CACNA2D3: variants seen among roughly 807,000 people sequenced by gnomAD.
CACNA2D3 encodes calcium voltage-gated channel auxiliary subunit alpha2delta 3, also known as voltage-dependent calcium channel subunit alpha-2/delta-3.
In CACNA2D3, 60 loss-of-function variants were observed where a neutral mutation model predicts 160.6. The ratio of observed to expected loss-of-function variants is 0.37; its 90% confidence interval spans 0.30 to 0.46. CACNA2D3 has a LOEUF of 0.46. Ranked by LOEUF, CACNA2D3 falls within the 20% of genes least tolerant of loss-of-function variation. CACNA2D3 has a pLI of 1.00. For synonymous variants in CACNA2D3, 558 were observed against 492.9 expected (o/e 1.13, Z -1.75); for missense variants, 1,205 against 1,365.0 (o/e 0.88, Z 1.85).
At chr3:54,451,531 T>A (rs1700308553) in intron 4 of CACNA2D3, among the ~76,000 whole-genome samples, 1 of 152,188 alleles carries the variant, frequency 6.6e-6, no homozygotes, top group African/African-American at 2.4e-5. Context: ...TATTCCGGGC[T>A]TCTCTTTAGG....
intron 2 of CACNA2D3, among the ~76,000 whole-genome samples, chr3:54,131,331 C>T (rs4258997): frequency 0.15 from 23,109 of 152,162 alleles, 1,935 homozygotes; most frequent in East Asian, 0.19. Flanking sequence ...AGATCAGCTC[C>T]CTTCTCCCTG....
chr3:54,720,230 C>T (rs866429013), intron 11 of CACNA2D3, among the ~76,000 whole-genome samples: 4 of 151,842 alleles, frequency 2.6e-5, no homozygotes, highest in Admixed American at 6.6e-5. Context: ...TGGTTTCCAG[C>T]CTTACTTTTT....
intron 17 of CACNA2D3, among the ~76,000 whole-genome samples, chr3:54,856,705 CAAA>C (rs1699178947): frequency 6.6e-6 from 1 of 152,142 alleles, no homozygotes; most frequent in Non-Finnish European, 1.5e-5. Context: ...TCTGAGAAAA[CAAA>C]AAGTCGGGAG....
At chr3:54,445,477 A>G (rs1410392450) in intron 4 of CACNA2D3, among the ~76,000 whole-genome samples, 4 of 152,114 alleles carry the variant, frequency 2.6e-5, no homozygotes, top group Non-Finnish European at 5.9e-5. Context: ...GAGCATTCAT[A>G]GAAAGAATAA....
chr3:54,768,098 G>A (rs1244558661), intron 13 of CACNA2D3, among the ~76,000 whole-genome samples: 3 of 152,170 alleles, frequency 2.0e-5, no homozygotes, highest in Non-Finnish European at 4.4e-5. Context: ...TAGGGGGAAA[G>A]TTCGATGATG....
intron 30 of CACNA2D3, among the ~76,000 whole-genome samples, chr3:54,985,715 C>A (rs549039164): frequency 6.6e-6 from 1 of 152,296 alleles, no homozygotes; most frequent in East Asian, 1.9e-4. Context: ...ACTGCTTAAT[C>A]AATTAGTTAA....
At chr3:54,276,558 G>C (rs1029576784) in intron 2 of CACNA2D3, among the ~76,000 whole-genome samples, 3 of 140,714 alleles carry the variant, frequency 2.1e-5, no homozygotes, top group Admixed American at 7.4e-5. Flanking sequence ...GGTCAACAGG[G>C]CAAGACTCTG....
At chr3:54,396,704 T>TGG (rs1280742894) in intron 4 of CACNA2D3, among the ~76,000 whole-genome samples, 2 of 60,612 alleles carry the variant, frequency 3.3e-5, no homozygotes, top group Non-Finnish European at 6.2e-5. Flanking sequence ...GATGTGCTGC[T>TGG]GGATTCGTTT....
intron 5 of CACNA2D3, among the ~76,000 whole-genome samples, chr3:54,538,819 C>G (rs1163382887): frequency 1.3e-5 from 2 of 152,038 alleles, no homozygotes; most frequent in Non-Finnish European, 2.9e-5. Flanking sequence ...GGGGGCGGGA[C>G]CAGAAGAGTC....
chr3:55,065,396 C>T lies in CACNA2D3; in HGVS notation c.2988-8049C>T, dbSNP rs866617683. Among the ~76,000 whole-genome samples, 3 of 152,204 alleles carry T rather than the reference C, an allele frequency of 2.0e-5. No homozygotes were observed. The South Asian group carries it at 6.2e-4, about 32-fold the overall frequency. ...CTACCCCAACCCCCTACTCCCACTC[C>T]AAGCTTATTTGGCTTAGAAAACGGG... is the stretch of plus-strand genomic sequence containing the variant. On this transcript the variant is annotated intron_variant, in intron 35 of 37. Transcript: ENST00000474759.
chr3:54,354,533 C>T (rs1020318287), intron 3 of CACNA2D3, among the ~76,000 whole-genome samples: 2 of 152,264 alleles, frequency 1.3e-5, no homozygotes, highest in South Asian at 2.1e-4. Context: ...CATCCAAGGG[C>T]CCCTCCTGAG....
intron 4 of CACNA2D3, among the ~76,000 whole-genome samples, chr3:54,402,995 A>G (rs1054018831): frequency 9.9e-5 from 15 of 152,188 alleles, no homozygotes; most frequent in African/African-American, 3.1e-4. Context: ...AAAGTCAATA[A>G]TATGTGGAAA....
Position 55,006,943 on chromosome 3 carries a change from G to C in CACNA2D3, c.2767-847G>C, listed in dbSNP as rs191033319. Among the ~76,000 whole-genome samples, 452 of 152,282 alleles carry C rather than the reference G, an allele frequency of 3.0e-3. 2 individuals carry two copies. Among genetic ancestry groups the C allele is most frequent in the African/African-American group, 0.01 (426 of 41,564 alleles). ...TCTAAAGGCAACCACAAAAGGTTCT[G>C]AGATTCTTCTGGACCTGACATCTGG... is the stretch of plus-strand genomic sequence containing the variant. On this transcript the variant is annotated intron_variant, in intron 32 of 37. Coordinates refer to ENST00000474759, the MANE Select transcript of CACNA2D3 (RefSeq NM_018398.3).
intron 34 of CACNA2D3, among the ~76,000 whole-genome samples, chr3:55,012,100 C>T (rs1703223360): frequency 6.6e-6 from 1 of 152,110 alleles, no homozygotes; most frequent in African/African-American, 2.4e-5. Context: ...TGGTTAGGCA[C>T]CCTGGGTAGC....
At chr3:54,512,479 T>C (rs921435691) in intron 5 of CACNA2D3, among the ~76,000 whole-genome samples, 1 of 152,246 alleles carries the variant, frequency 6.6e-6, no homozygotes, top group Non-Finnish European at 1.5e-5. Context: ...TGGCATGGCT[T>C]ATGCCTGGGA....
At chr3:54,617,802 A>G (rs1181254785) in intron 9 of CACNA2D3, among the ~76,000 whole-genome samples, 1 of 152,130 alleles carries the variant, frequency 6.6e-6, no homozygotes. Flanking sequence ...AATGAAACCA[A>G]GTAGAGCCAG....
chr3:54,704,213 A>G (rs917954540), intron 11 of CACNA2D3, among the ~76,000 whole-genome samples: 4 of 152,204 alleles, frequency 2.6e-5, no homozygotes, highest in African/African-American at 9.6e-5. Flanking sequence ...GGTTATTCAG[A>G]CTGGAATTTA....
intron 3 of CACNA2D3, among the ~76,000 whole-genome samples, chr3:54,364,920 A>C (rs1016139441): frequency 6.6e-6 from 1 of 152,238 alleles, no homozygotes. Context: ...AGAGAAACTC[A>C]GATTTCTTAG....
chr3:54,320,898 C>G (rs942631774), intron 3 of CACNA2D3, among the ~76,000 whole-genome samples: 6 of 152,164 alleles, frequency 3.9e-5, no homozygotes, highest in Non-Finnish European at 7.3e-5. Context: ...CAACTAAGCT[C>G]TAGTCTGAGC....
Sources: gnomAD v4.1 joint callset for allele counts (sites outside exome capture counted in the v4.1 genomes callset) on GRCh38, gnomAD v4.1.1 for gene constraint, MANE v1.5 for transcripts, NCBI Gene and HGNC (gene_info 2026-07-23, HGNC 2026-07-21) for gene names.